GOLGA3: variants seen among roughly 807,000 people sequenced by gnomAD.
The protein encoded by GOLGA3 is golgin A3.
A neutral mutation model predicts 169.4 loss-of-function variants in GOLGA3; 75 were observed. The observed-to-expected ratio is 0.44, with a 90% CI of 0.37 to 0.54. GOLGA3 has a LOEUF of 0.54. Ranked by LOEUF, GOLGA3 falls within the 20% of genes least tolerant of loss-of-function variation. The pLI is 0.00. For synonymous variants in GOLGA3, 824 were observed against 822.4 expected (o/e 1.00, Z -0.03); for missense variants, 1,899 against 1,930.0 (o/e 0.98, Z 0.30).
intron 2 of GOLGA3, among the ~76,000 whole-genome samples, chr12:132,818,296 G>T (rs1375796130): frequency 1.3e-5 from 2 of 152,214 alleles, no homozygotes; most frequent in African/African-American, 2.4e-5. Context: ...GTCTCATTCT[G>T]CTGCCCAGGC....
rs866911369 is a variant in GOLGA3 at position 132,777,037 on chromosome 12, G to A, written c.3776C>T (p.Ala1259Val). 1 of 1,610,952 alleles carries A rather than the reference G, an allele frequency of 6.2e-7. No homozygotes were observed. Among genetic ancestry groups the A allele is most frequent in the Non-Finnish European group, 8.5e-7 (1 of 1,178,838 alleles). The change falls in exon 20 of 24, where the codon GCC becomes GTC. Residue 1259 changes from alanine to valine, a missense_variant. Ala to Val is a moderately conservative substitution (Grantham distance 64, BLOSUM62 0). Coordinates refer to ENST00000450791, the MANE Select transcript of GOLGA3 (RefSeq NM_001389683.1). The surrounding 1 kb of genome is among the most constrained non-coding windows in gnomAD (Gnocchi z 4.7). ...QEIAQFQAEL[A>V]EARAQLQLLQ... ...GAGCTGGAGCTGTGCCCGGGCCTCG[G>A]CCAGCTCTGCTTGGAACTGTGCTAT...
In GOLGA3 at chr12:132,782,445, ACTC is replaced by A. The variant is rs774988176; in HGVS notation, c.3313_3315del (p.Glu1105del). The stretch of plus-strand genomic sequence containing the variant: ...AATTCAAGAGCCAACTTCTTGTTTG[ACTC>A]CTCAAGGCGTTTTATCTTCTTCCTA... On this transcript the variant is annotated inframe_deletion, in exon 17 of 24. Coordinates refer to ENST00000450791, the MANE Select transcript of GOLGA3 (RefSeq NM_001389683.1). 2 of 1,613,464 alleles carry A rather than the reference ACTC, an allele frequency of 1.2e-6. No individual in the cohort carries two copies. The highest frequency in any genetic ancestry group is 1.1e-5 in the South Asian group (1 of 91,042).
At chr12:132,824,576 T>A (rs990666552) in intron 1 of GOLGA3, among the ~76,000 whole-genome samples, 4 of 152,180 alleles carry the variant, frequency 2.6e-5, no homozygotes, top group Admixed American at 2.0e-4. Context: ...GCCTGGCACA[T>A]AAAAATATTT....
At chr12:132,794,855 A>G (rs748393445) in intron 11 of GOLGA3, among the ~76,000 whole-genome samples, 22 of 152,334 alleles carry the variant, frequency 1.4e-4, no homozygotes, top group Non-Finnish European at 2.5e-4. Flanking sequence ...AAAGGAGGGA[A>G]AACAGGCTCA....
chr12:132,816,102 G>A (rs1297211737), intron 3 of GOLGA3, among the ~76,000 whole-genome samples: 1 of 152,208 alleles, frequency 6.6e-6, no homozygotes, highest in Non-Finnish European at 1.5e-5. Flanking sequence ...GGAGGCCGAG[G>A]CAGGTGAATG....
intron 12 of GOLGA3, among the ~76,000 whole-genome samples, chr12:132,790,640 C>T (rs1266391764): frequency 1.3e-5 from 2 of 152,176 alleles, no homozygotes; most frequent in African/African-American, 2.4e-5. Context: ...GTGAGCACAA[C>T]AGGGTATGCT....
At chr12:132,811,015 T>C (rs534537906) in intron 4 of GOLGA3, among the ~76,000 whole-genome samples, 15 of 152,300 alleles carry the variant, frequency 9.8e-5, no homozygotes, top group African/African-American at 3.6e-4. Flanking sequence ...TCTCTCCCTC[T>C]CTCTCTACCT....
intron 4 of GOLGA3, among the ~76,000 whole-genome samples, chr12:132,812,590 G>A (rs371019596): frequency 4.6e-5 from 7 of 152,326 alleles, no homozygotes; most frequent in South Asian, 2.1e-4. Flanking sequence ...CACGGACAGC[G>A]TTGAGGGATT....
At chr12:132,826,200 C>G in intron 1 of GOLGA3, 1 of 1,546,860 alleles carries the variant, frequency 6.5e-7, no homozygotes, top group South Asian at 1.2e-5. Context: ...TGGACATCAG[C>G]CCGCTCCCCA....
intron 5 of GOLGA3, among the ~76,000 whole-genome samples, 180 bp downstream of exon 5, chr12:132,807,711 C>G (rs1242376567): frequency 1.3e-5 from 2 of 152,108 alleles, no homozygotes; most frequent in African/African-American, 4.8e-5. Flanking sequence ...GCCGTGGGCC[C>G]GGGAAGCAAC....
intron 11 of GOLGA3, 114 bp downstream of exon 11, chr12:132,795,738 G>A (rs1948795016): frequency 1.7e-6 from 2 of 1,172,490 alleles, no homozygotes; most frequent in Non-Finnish European, 2.4e-6. Flanking sequence ...TCCAGCCTGG[G>A]CAACACAGCG....
At chr12:132,797,822 G>A (rs1388028197) in intron 9 of GOLGA3, among the ~76,000 whole-genome samples, 1 of 152,256 alleles carries the variant, frequency 6.6e-6, no homozygotes, top group Non-Finnish European at 1.5e-5. Flanking sequence ...AGATGGCTGT[G>A]CAGGCAGCGG....
rs1001302511 is a variant in GOLGA3 at position 132,796,767 on chromosome 12, C to T, written c.1939-67G>A. ...AATAGTGAACAGCAGCCGGTGGCCC[C>T]GTGCTCTGCAGAGAAACCCACCGCC... On this transcript the variant is annotated intron_variant, in intron 9 of 23. Coordinates refer to ENST00000450791, the MANE Select transcript of GOLGA3 (RefSeq NM_001389683.1). The T allele has an allele frequency of 1.1e-5, 17 of 1,497,772 alleles. No individual in the cohort carries two copies. In the East Asian group the frequency reaches 2.3e-4, roughly 20 times the overall value. The allele number at this position is 1,497,772 out of a possible 1,614,324, so 92.8% of individuals were successfully genotyped here. A position where few individuals can be genotyped will look rare whatever the true frequency, so the allele number is the denominator to read the frequency against.
At chr12:132,814,065 C>T (rs78968381) in intron 3 of GOLGA3, among the ~76,000 whole-genome samples, 3 of 141,946 alleles carry the variant, frequency 2.1e-5, no homozygotes, top group African/African-American at 7.9e-5. Context: ...ATTCTTGTTG[C>T]CCAGGCTGGA....
In GOLGA3 at chr12:132,798,773, C is replaced by G. The variant is rs553470800; in HGVS notation, c.1801-296G>C. The stretch of plus-strand genomic sequence containing the variant: ...AAAAGTCCCCATTGACAAGGCATCT[C>G]TGAGCCCCTGTGGGTGAGGAGGGGC... On this transcript the variant is annotated intron_variant, in intron 8 of 23. Coordinates refer to ENST00000450791, the MANE Select transcript of GOLGA3 (RefSeq NM_001389683.1). 2.0e-4 allele frequency among the ~76,000 whole-genome samples: 30 copies of G among 152,290 alleles called. No homozygotes were observed. In the South Asian group the frequency reaches 3.9e-3, roughly 20 times the overall value.
chr12:132,816,827 C>A lies in GOLGA3; in HGVS notation c.134-15G>T. 6.4e-7 allele frequency: 1 copy of A among 1,567,130 alleles called. No homozygotes were observed. Among genetic ancestry groups the A allele is most frequent in the Non-Finnish European group, 8.7e-7 (1 of 1,153,788 alleles). On this transcript the variant is annotated splice_polypyrimidine_tract_variant and intron_variant, in intron 2 of 23. Coordinates refer to ENST00000450791, the MANE Select transcript of GOLGA3 (RefSeq NM_001389683.1). ...TACCTCGGCACCTGGAAAGACAGAGCACGCTGGACCACCATGGCTTTAACA... is the reference window on the plus strand; with the variant it reads ...TACCTCGGCACCTGGAAAGACAGAGAACGCTGGACCACCATGGCTTTAACA...
Position 132,777,178 on chromosome 12 carries a change from C to T in GOLGA3, c.3723-88G>A, listed in dbSNP as rs534951341. 33 of 1,432,418 alleles carry T rather than the reference C, an allele frequency of 2.3e-5. No individual in the cohort carries two copies. Among genetic ancestry groups the T allele is most frequent in the African/African-American group, 1.7e-4 (12 of 70,264 alleles). The allele number at this position is 1,432,418 out of a possible 1,614,324, so 88.7% of individuals were successfully genotyped here. On this transcript the variant is annotated intron_variant, in intron 19 of 23. Coordinates refer to ENST00000450791, the MANE Select transcript of GOLGA3 (RefSeq NM_001389683.1). The surrounding 1 kb of genome is among the most constrained non-coding windows in gnomAD (Gnocchi z 4.7). Reference sequence around the variant, plus strand: ...GCTGGGAAATGCTGCCTGTGGAAGGCGTTCGTCCTGGCAGGCCCTCTGCTG... The same window carrying T: ...GCTGGGAAATGCTGCCTGTGGAAGGTGTTCGTCCTGGCAGGCCCTCTGCTG...
chr12:132,786,445 A>C lies in GOLGA3; in HGVS notation c.3017T>G (p.Leu1006Arg). Residue 1006 changes from leucine (L) to arginine (R), a missense_variant, in exon 15 of 24, where the codon CTC becomes CGC. Coordinates refer to ENST00000450791, the MANE Select transcript of GOLGA3 (RefSeq NM_001389683.1). ...GAGGGCCTCCTGCAGGCGGCGGCTG[A>C]GGATGCCCACGGCGTTCTCGTAGGC... ...HKAYENAVGI[L>R]SRRLQEALAA... 6.2e-7 allele frequency: 1 copy of C among 1,613,594 alleles called. No homozygotes were observed. The highest frequency in any genetic ancestry group is 8.5e-7 in the Non-Finnish European group (1 of 1,179,916).
intron 15 of GOLGA3, 42 bp downstream of exon 15, chr12:132,786,297 G>C (rs781462826): frequency 1.5e-6 from 2 of 1,363,668 alleles, no homozygotes; most frequent in South Asian, 2.6e-5. Context: ...CCTGCACTGA[G>C]GGGCTGGTGA....
Sources: gnomAD v4.1 joint callset for allele counts (sites outside exome capture counted in the v4.1 genomes callset) on GRCh38, gnomAD v4.1.1 for gene constraint, Gnocchi (gnomAD v3.1) non-coding constraint, MANE v1.5 for transcripts, NCBI Gene and HGNC (gene_info 2026-07-23, HGNC 2026-07-21) for gene names.